Variants in IGF1 observed in about 807,000 individuals in gnomAD.
IGF1 encodes the protein insulin like growth factor 1, also known as insulin-like growth factor 1.
Under a neutral mutation model 13.8 loss-of-function variants are expected in IGF1, and 4 were observed. The ratio of observed to expected loss-of-function variants is 0.29; its 90% CI spans 0.14 to 0.66. IGF1 has a LOEUF of 0.66. Ranked by LOEUF, IGF1 falls within the 30% of genes least tolerant of loss-of-function variation. The pLI is 0.78. For missense variants in IGF1, 124 were observed against 188.5 expected (o/e 0.66, Z 2.00); for synonymous variants, 76 against 72.6 (o/e 1.05, Z -0.23).
At chr12:102,422,503 ATT>A (rs1199536189) in intron 2 of IGF1, among the ~76,000 whole-genome samples, 4 of 152,224 alleles carry the variant, frequency 2.6e-5, no homozygotes, top group African/African-American at 9.6e-5. Context: ...CAAAAAACTC[ATT>A]TCTCGCCAAT....
rs56947594 is a variant in IGF1, at chr12:102,428,236, G to GTATATATATA, written c.221-8556_221-8547dup. Among the ~76,000 whole-genome samples the GTATATATATA allele has an allele frequency of 6.6e-3, 460 of 69,574 alleles. 67 individuals are homozygous for GTATATATATA. The highest frequency in any genetic ancestry group is 0.016 in the African/African-American group (380 of 23,190). The allele number at this position is 69,574 out of a possible 152,430, so 45.6% of individuals were successfully genotyped here. ...CGACCCACTTTGTAATCAATAATGT[G>GTATATATATA]TATATATATATATGGCATATTAATG... On this transcript the variant is annotated intron_variant, in intron 2 of 3. Coordinates refer to ENST00000337514, the MANE Select transcript of IGF1 (RefSeq NM_000618.5).
intron 3 of IGF1, among the ~76,000 whole-genome samples, chr12:102,410,340 A>C (rs1244777460): frequency 6.6e-6 from 1 of 152,132 alleles, no homozygotes; most frequent in Admixed American, 6.5e-5. Context: ...TTGTTTGCTT[A>C]GCTGTTTGTT....
intron 2 of IGF1, among the ~76,000 whole-genome samples, chr12:102,450,572 G>A (rs1179840188): frequency 6.6e-6 from 1 of 152,150 alleles, no homozygotes; most frequent in Non-Finnish European, 1.5e-5. Flanking sequence ...GAAGGCTAAG[G>A]CCTTCATCAT....
At chr12:102,455,844 A>G (rs564354210) in intron 2 of IGF1, among the ~76,000 whole-genome samples, 2 of 152,276 alleles carry the variant, frequency 1.3e-5, no homozygotes, top group East Asian at 3.9e-4. Context: ...TGGCCCTGGG[A>G]AGAGACAAGT....
intron 2 of IGF1, among the ~76,000 whole-genome samples, chr12:102,439,180 C>A (rs373402085): frequency 9.1e-4 from 139 of 152,288 alleles, no homozygotes; most frequent in African/African-American, 3.0e-3. Context: ...CTACCCTGTT[C>A]AAAAGATGTT....
chr12:102,440,425 C>T (rs754534847), intron 2 of IGF1, among the ~76,000 whole-genome samples: 3 of 152,146 alleles, frequency 2.0e-5, no homozygotes, highest in African/African-American at 4.8e-5. Flanking sequence ...CATTTCAGAG[C>T]GAATCCAGAC....
intron 1 of IGF1, among the ~76,000 whole-genome samples, chr12:102,478,877 G>T (rs898025043): frequency 6.6e-6 from 1 of 152,186 alleles, no homozygotes; most frequent in Non-Finnish European, 1.5e-5. Flanking sequence ...CAGCTGGTGA[G>T]CTCTGCCTCT....
At chr12:102,471,853 A>T (rs1433630844) in intron 2 of IGF1, among the ~76,000 whole-genome samples, 1 of 152,192 alleles carries the variant, frequency 6.6e-6, no homozygotes, top group Non-Finnish European at 1.5e-5. Context: ...TTTTTTAAGA[A>T]TCTCCAAGGA....
intron 3 of IGF1, chr12:102,418,058 C>T: frequency 1.3e-6 from 2 of 1,576,128 alleles, no homozygotes; most frequent in Non-Finnish European, 1.7e-6. Context: ...CATGGTGTCC[C>T]TTTGAATGAG....
At chr12:102,457,492 G>A (rs955487917) in intron 2 of IGF1, among the ~76,000 whole-genome samples, 9 of 152,124 alleles carry the variant, frequency 5.9e-5, no homozygotes, top group Non-Finnish European at 1.0e-4. Flanking sequence ...AAGTCAAAGC[G>A]GCTTGTTTGC....
chr12:102,442,140 G>A (rs958989967), intron 2 of IGF1, among the ~76,000 whole-genome samples: 7 of 150,348 alleles, frequency 4.7e-5, no homozygotes, highest in Non-Finnish European at 7.4e-5. Context: ...GTAGAGACAG[G>A]GTCTCACTAT....
intron 1 of IGF1, among the ~76,000 whole-genome samples, chr12:102,479,976 G>GA (rs5800512): frequency 0.79 from 117,751 of 149,774 alleles, 46,788 homozygotes; most frequent in Non-Finnish European, 0.86. Context: ...ACCTGCAAAA[G>GA]AAAAAAAAAA....
intron 2 of IGF1, among the ~76,000 whole-genome samples, chr12:102,436,892 T>A (rs532029315): frequency 7.2e-5 from 11 of 152,310 alleles, no homozygotes; most frequent in Admixed American, 7.2e-4. Flanking sequence ...TATGAGGCTT[T>A]CATAGCTTTA....
intron 2 of IGF1, among the ~76,000 whole-genome samples, chr12:102,460,628 C>T (rs1879824678): frequency 6.6e-6 from 1 of 152,116 alleles, no homozygotes; most frequent in African/African-American, 2.4e-5. Flanking sequence ...AAGAAACAAA[C>T]AATAATCTCC....
At chr12:102,433,573 G>C (rs574597084) in intron 2 of IGF1, among the ~76,000 whole-genome samples, 1 of 152,174 alleles carries the variant, frequency 6.6e-6, no homozygotes, top group East Asian at 1.9e-4. Flanking sequence ...CTGTATATTA[G>C]CCTTTTTTTT....
intron 3 of IGF1, among the ~76,000 whole-genome samples, chr12:102,403,678 C>T (rs943783810): frequency 7.7e-6 from 1 of 130,256 alleles, no homozygotes; most frequent in Non-Finnish European, 1.5e-5. Flanking sequence ...GCTATATTGC[C>T]CAGGCTGGTC....
chr12:102,399,715 C>T lies in IGF1; in HGVS notation c.*2792G>A, dbSNP rs1873521400. The T allele has an allele frequency of 6.6e-6, 1 of 152,076 alleles. No homozygotes were observed. Among genetic ancestry groups the T allele is most frequent in the South Asian group, 2.1e-4 (1 of 4,830 alleles). 9.4% of individuals were successfully genotyped at this position (152,076 alleles called of 1,614,324 possible). A position where few individuals can be genotyped will look rare whatever the true frequency, so the allele number is the denominator to read the frequency against. ...GCTTTCCTCCTTGGGGGATTTTTGACTGTGGATAGAATTAAGTGAAGGAAA... is the reference window on the plus strand; with the variant it reads ...GCTTTCCTCCTTGGGGGATTTTTGATTGTGGATAGAATTAAGTGAAGGAAA... On this transcript the variant is annotated 3_prime_UTR_variant, in exon 4 of 4. Coordinates refer to ENST00000337514, the MANE Select transcript of IGF1 (RefSeq NM_000618.5).
intron 2 of IGF1, among the ~76,000 whole-genome samples, chr12:102,423,881 G>A (rs1395186013): frequency 6.6e-6 from 1 of 152,108 alleles, no homozygotes; most frequent in Non-Finnish European, 1.5e-5. Context: ...CTAGAACAAA[G>A]GACTCTGGTT....
intron 3 of IGF1, among the ~76,000 whole-genome samples, chr12:102,409,367 T>C (rs1874439866): frequency 2.6e-5 from 4 of 152,298 alleles, no homozygotes; most frequent in Admixed American, 2.0e-4. Context: ...TGAGAGCAGG[T>C]AGCATATTTC....
Sources: allele counts gnomAD v4.1 joint callset (sites outside exome capture counted in the v4.1 genomes callset), GRCh38; gene constraint gnomAD v4.1.1; transcripts MANE v1.5; gene names NCBI Gene and HGNC (gene_info 2026-07-23, HGNC 2026-07-21).